GRID2: variants seen among roughly 807,000 people sequenced by gnomAD.
The protein encoded by GRID2 is glutamate ionotropic receptor delta type subunit 2.
In GRID2, 33 loss-of-function variants were observed where a neutral mutation model predicts 114.8. The observed-to-expected ratio is 0.29, with a 90% CI of 0.22 to 0.38. The LOEUF (loss-of-function observed/expected upper bound fraction) is 0.38. Ranked by LOEUF, GRID2 falls within the 10% of genes least tolerant of loss-of-function variation. The pLI, the probability that GRID2 is intolerant of heterozygous loss-of-function variation, is 1.00. For synonymous variants in GRID2, 505 were observed against 449.9 expected (o/e 1.12, Z -1.55); for missense variants, 1,184 against 1,257.7 (o/e 0.94, Z 0.89).
rs58755199 is a variant in GRID2, at chr4:93,317,986, AATATATATATATATATAT to A, written c.1246-77602_1246-77585del. ...GTTTTATCTTTCCCTTTAAAAGTGA[AATATATATATATATATAT>A]ATATATATATATATATATTACTACT... On this transcript the variant is annotated intron_variant, in intron 8 of 15. Transcript: ENST00000282020. Among the ~76,000 whole-genome samples, 39 of 100,914 alleles carry A rather than the reference AATATATATATATATATAT, an allele frequency of 3.9e-4. 1 individual carries two copies. Among genetic ancestry groups the A allele is most frequent in the African/African-American group, 7.9e-4 (23 of 28,964 alleles). 66.2% of individuals were successfully genotyped at this position (100,914 alleles called of 152,430 possible). A position where few individuals can be genotyped will look rare whatever the true frequency, so the allele number is the denominator to read the frequency against.
At chr4:93,766,282 C>A (rs1204144090) in intron 14 of GRID2, among the ~76,000 whole-genome samples, 1 of 152,168 alleles carries the variant, frequency 6.6e-6, no homozygotes, top group African/African-American at 2.4e-5. Context: ...ACTCACAGTT[C>A]CCCATGGCTG....
At chr4:92,879,296 G>A (rs1745840110) in intron 2 of GRID2, among the ~76,000 whole-genome samples, 2 of 152,134 alleles carry the variant, frequency 1.3e-5, no homozygotes, top group South Asian at 4.1e-4. Context: ...ACTGACCCTT[G>A]TGAAGGTTGA....
intron 1 of GRID2, among the ~76,000 whole-genome samples, chr4:92,390,729 T>G (rs561307388): frequency 2.0e-5 from 3 of 152,286 alleles, no homozygotes; most frequent in Non-Finnish European, 4.4e-5. Flanking sequence ...CTGAAGAGTT[T>G]CAGGTTTTAC....
At chr4:93,302,506 A>G (rs930564673) in intron 8 of GRID2, 2 of 452,506 alleles carry the variant, frequency 4.4e-6, no homozygotes, top group Non-Finnish European at 8.9e-6. Flanking sequence ...CATAATATTC[A>G]TGTTTTCCAC....
chr4:92,891,119 T>G (rs1746750548), intron 2 of GRID2, among the ~76,000 whole-genome samples: 1 of 148,318 alleles, frequency 6.7e-6, no homozygotes, highest in African/African-American at 2.5e-5. Flanking sequence ...TGTTGGGGAG[T>G]CGCGGGGGCT....
At chr4:92,457,723 T>TA (rs893730549) in intron 1 of GRID2, among the ~76,000 whole-genome samples, 20 of 148,888 alleles carry the variant, frequency 1.3e-4, no homozygotes, top group Non-Finnish European at 1.6e-4. Flanking sequence ...ACCTTTTTTT[T>TA]AAAAATGTGG....
intron 1 of GRID2, among the ~76,000 whole-genome samples, chr4:92,506,537 T>A (rs1723980597): frequency 6.6e-6 from 1 of 151,980 alleles, no homozygotes; most frequent in Non-Finnish European, 1.5e-5. Context: ...TGGGAAAAGT[T>A]TGTCATGACT....
intron 2 of GRID2, among the ~76,000 whole-genome samples, chr4:92,923,667 A>T (rs1749554768): frequency 6.6e-6 from 1 of 152,230 alleles, no homozygotes. Flanking sequence ...CATTATACAC[A>T]TACTACTTTG....
intron 13 of GRID2, among the ~76,000 whole-genome samples, chr4:93,516,416 A>G (rs1045891277): frequency 6.6e-6 from 1 of 152,120 alleles, no homozygotes; most frequent in African/African-American, 2.4e-5. Context: ...CTTGCAGTCA[A>G]CATATTGATA....
chr4:93,717,983 C>T (rs1190283192), intron 14 of GRID2, among the ~76,000 whole-genome samples: 2 of 152,092 alleles, frequency 1.3e-5, no homozygotes, highest in African/African-American at 2.4e-5. Flanking sequence ...GGGCTGGGTG[C>T]GGTGACTTAC....
chr4:92,512,728 T>C (rs969064189), intron 1 of GRID2, among the ~76,000 whole-genome samples: 1 of 151,862 alleles, frequency 6.6e-6, no homozygotes, highest in Admixed American at 6.6e-5. Flanking sequence ...TTAATAGATA[T>C]TTTAGCTTAT....
intron 8 of GRID2, among the ~76,000 whole-genome samples, chr4:93,247,536 A>T (rs1579416998): frequency 6.6e-6 from 1 of 152,036 alleles, no homozygotes; most frequent in South Asian, 2.1e-4. Flanking sequence ...GAATTGCACC[A>T]TCAGCCCCCC....
chr4:93,615,471 T>G lies in GRID2; in HGVS notation c.2194-10798T>G, dbSNP rs527695136. Among the ~76,000 whole-genome samples the G allele has an allele frequency of 2.6e-5, 4 of 152,310 alleles. No individual in the cohort carries two copies. The East Asian group carries it at 7.7e-4, about 29-fold the overall frequency. On this transcript the variant is annotated intron_variant, in intron 13 of 15. Coordinates refer to ENST00000282020, the MANE Select transcript of GRID2 (RefSeq NM_001510.4). The stretch of plus-strand genomic sequence containing the variant: ...GAGAAAGTCTTTATAGTAGCATGAT[T>G]TATAATCCTTTGGGTATATACCCAG...
intron 2 of GRID2, among the ~76,000 whole-genome samples, chr4:92,944,234 T>G (rs760743223): frequency 8.5e-5 from 13 of 152,172 alleles, no homozygotes; most frequent in Non-Finnish European, 1.9e-4. Context: ...CTCCACCCAA[T>G]TTTGGCCGCT....
chr4:92,888,936 T>G (rs2149466735), intron 2 of GRID2, among the ~76,000 whole-genome samples: 1 of 152,232 alleles, frequency 6.6e-6, no homozygotes, highest in South Asian at 2.1e-4. Context: ...TATACACATT[T>G]TACAGGTCAA....
At chr4:92,770,463 C>T (rs919564393) in intron 2 of GRID2, among the ~76,000 whole-genome samples, 5 of 152,206 alleles carry the variant, frequency 3.3e-5, no homozygotes, top group South Asian at 4.2e-4. Flanking sequence ...TCAGCAGTGT[C>T]GCACTCCCAG....
rs17019642 is a variant in GRID2, at chr4:92,584,173, G to A, written c.89-5958G>A. On this transcript the variant is annotated intron_variant, in intron 1 of 15. Transcript: ENST00000282020. ...TCCTTGAACTGAGGGTAACATGAATGAGACAATGAAATAAAGGAGAAATCT... is the reference window on the plus strand; with the variant it reads ...TCCTTGAACTGAGGGTAACATGAATAAGACAATGAAATAAAGGAGAAATCT... Among the ~76,000 whole-genome samples, 221 of 151,920 alleles carry A rather than the reference G, an allele frequency of 1.5e-3. 1 individual carries two copies. Among genetic ancestry groups the A allele is most frequent in the African/African-American group, 4.9e-3 (203 of 41,522 alleles).
At chr4:92,985,114 C>G (rs889063013) in intron 2 of GRID2, among the ~76,000 whole-genome samples, 1 of 152,090 alleles carries the variant, frequency 6.6e-6, no homozygotes, top group African/African-American at 2.4e-5. Flanking sequence ...TGTTTGCTCA[C>G]TGATTTCAGC....
chr4:92,868,367 TA>T (rs1745052829), intron 2 of GRID2, among the ~76,000 whole-genome samples: 1 of 152,064 alleles, frequency 6.6e-6, no homozygotes, highest in Non-Finnish European at 1.5e-5. Context: ...TGAAGCATAT[TA>T]AGCCTTAGGA....
Sources: gnomAD v4.1 joint callset for allele counts (sites outside exome capture counted in the v4.1 genomes callset) on GRCh38, gnomAD v4.1.1 for gene constraint, MANE v1.5 for transcripts, NCBI Gene and HGNC (gene_info 2026-07-23, HGNC 2026-07-21) for gene names.